Variants in IFI6 observed in about 807,000 individuals in gnomAD.
IFI6 encodes the protein interferon alpha inducible protein 6, also known as interferon alpha-inducible protein 6.
In IFI6, 10 loss-of-function variants were observed where a neutral mutation model predicts 12.7. That is an observed-to-expected ratio of 0.79 (90% CI 0.49 to 1.33). The LOEUF (loss-of-function observed/expected upper bound fraction) is 1.33. Ranked by LOEUF, IFI6 falls within the 40% of genes most tolerant of loss-of-function variation. The pLI, the probability that IFI6 is intolerant of heterozygous loss-of-function variation, is 0.00. For missense variants in IFI6, 154 were observed against 180.4 expected (o/e 0.85, Z 0.84); for synonymous variants, 89 against 86.2 (o/e 1.03, Z -0.18).
intron 4 of IFI6, among the ~76,000 whole-genome samples, chr1:27,666,821 T>G (rs2090355504): frequency 6.6e-6 from 1 of 152,134 alleles, no homozygotes. Context: ...ATGTGCCATG[T>G]GAGAGGACAA....
chr1:27,666,833 T>C (rs1412774294), intron 4 of IFI6, among the ~76,000 whole-genome samples: 1 of 152,084 alleles, frequency 6.6e-6, no homozygotes, highest in South Asian at 2.1e-4. Flanking sequence ...AGAGGACAAC[T>C]AGCTGATAGC....
intron 2 of IFI6, among the ~76,000 whole-genome samples, chr1:27,668,762 G>C (rs2090376144): frequency 1.3e-5 from 2 of 152,042 alleles, no homozygotes; most frequent in Non-Finnish European, 2.9e-5. Flanking sequence ...AGTGGGATTT[G>C]AATCTGGGAC....
intron 4 of IFI6, among the ~76,000 whole-genome samples, chr1:27,666,995 A>G (rs1229377717): frequency 7.7e-6 from 1 of 130,492 alleles, no homozygotes; most frequent in African/African-American, 2.9e-5. Flanking sequence ...AGAAAGGCAG[A>G]GAGGGAAGTT....
At chr1:27,667,451 C>T (rs1055313195) in intron 4 of IFI6, among the ~76,000 whole-genome samples, 3 of 151,980 alleles carry the variant, frequency 2.0e-5, no homozygotes, top group Non-Finnish European at 4.4e-5. Flanking sequence ...ATTGATCAAT[C>T]GATAGAAGAG....
chr1:27,671,352 C>T (rs2090402453), intron 1 of IFI6, among the ~76,000 whole-genome samples: 1 of 151,880 alleles, frequency 6.6e-6, no homozygotes. Flanking sequence ...GGGTTTAAAC[C>T]CACAATTGGC....
chr1:27,668,608 G>T, intron 2 of IFI6, 73 bp from the exon 3 acceptor site: 3 of 1,214,766 alleles, frequency 2.5e-6, no homozygotes, highest in Non-Finnish European at 3.5e-6. Context: ...TGTGTCTGAT[G>T]CTCAGGACCA....
In IFI6 at chr1:27,668,655, G is replaced by A. The variant is rs565476262; in HGVS notation, c.71-120C>T. 5.4e-6 allele frequency: 4 copies of A among 735,374 alleles called. No individual in the cohort carries two copies. The Admixed American group carries it at 1.1e-4, about 20-fold the overall frequency. The allele number at this position is 735,374 out of a possible 1,614,324, so 45.6% of individuals were successfully genotyped here. On this transcript the variant is annotated intron_variant, in intron 2 of 4. Coordinates refer to ENST00000361157, the MANE Select transcript of IFI6 (RefSeq NM_002038.4). ...GGGGGCCACCACTCTCCTACTCAGA[G>A]AGCCTCACAGAGGGGAAGGGACTTT...
chr1:27,668,006 G>T (rs927823800), intron 4 of IFI6, among the ~76,000 whole-genome samples: 2 of 152,260 alleles, frequency 1.3e-5, no homozygotes, highest in Non-Finnish European at 1.5e-5. Context: ...GGGAGGCAGA[G>T]GTTGCAGTGA....
At position 27,671,912 on chromosome 1, in the gene IFI6, T is replaced by G. The variant is rs146269021; in HGVS notation, c.-33+211A>C. On this transcript the variant is annotated intron_variant, in intron 1 of 4. Coordinates refer to ENST00000361157, the MANE Select transcript of IFI6 (RefSeq NM_002038.4). ...TATTGCACCTGTAAGCTGGGTCTCA[T>G]GCCACTTGGGGTTTTGCATCCCATC... Among the ~76,000 whole-genome samples the G allele has an allele frequency of 2.6e-4, 39 of 152,330 alleles. No homozygotes were observed. In the East Asian group the frequency reaches 3.7e-3, roughly 14 times the overall value.
In IFI6 at chr1:27,666,248, C is replaced by T; in HGVS notation, c.*133G>A. On this transcript the variant is annotated 3_prime_UTR_variant, in exon 5 of 5. Transcript: ENST00000361157. ...GTACTATGTTCGCATCTGTGAATAG[C>T]CACTGCACTCTAGCCTGGACAATAT... 1 of 556,940 alleles carries T rather than the reference C, an allele frequency of 1.8e-6. No homozygotes were observed. The highest frequency in any genetic ancestry group is 3.0e-6 in the Non-Finnish European group (1 of 332,964). The allele number at this position is 556,940 out of a possible 1,614,324, so 34.5% of individuals were successfully genotyped here.
chr1:27,669,877 G>A (rs745992133), intron 1 of IFI6: 1 of 152,954 alleles, frequency 6.5e-6, no homozygotes, highest in Non-Finnish European at 1.5e-5. Flanking sequence ...ACCAAACGTT[G>A]GCCTCACATC....
In IFI6 at chr1:27,669,418, C is replaced by T. The variant is rs2090387475; in HGVS notation, c.-32-72G>A. The stretch of plus-strand genomic sequence containing the variant: ...TCATCAGCTCCGTTGTTTTCCCTTC[C>T]AGTTCCAACTGAATCAGTAAAAAGC... On this transcript the variant is annotated intron_variant, in intron 1 of 4. Transcript: ENST00000361157. 7.8e-6 allele frequency: 7 copies of T among 895,818 alleles called. No individual in the cohort carries two copies. The South Asian group carries it at 1.0e-4, about 13-fold the overall frequency. The allele number at this position is 895,818 out of a possible 1,614,324, so 55.5% of individuals were successfully genotyped here.
chr1:27,669,323 C>G lies in IFI6; in HGVS notation c.-9G>C. On this transcript the variant is annotated 5_prime_UTR_variant, in exon 2 of 5. Transcript: ENST00000361157. The stretch of plus-strand genomic sequence containing the variant: ...ACCGCCTTCTGCCGCATGGTGGCGC[C>G]GCGCGCGGGCTCCGTCACTAGACCT... The G allele has an allele frequency of 1.3e-6, 2 of 1,552,534 alleles. No individual in the cohort carries two copies. The highest frequency in any genetic ancestry group is 1.7e-6 in the Non-Finnish European group (2 of 1,147,310).
chr1:27,666,623 T>C (rs2090353877), intron 4 of IFI6, 148 bp from the exon 5 acceptor site: 2 of 433,380 alleles, frequency 4.6e-6, no homozygotes, highest in Non-Finnish European at 3.8e-6. Context: ...ACAAAGTGAG[T>C]CCCATTGCCT....
chr1:27,668,193 A>G (rs1331668052), intron 4 of IFI6, 33 bp downstream of exon 4: 14 of 1,447,502 alleles, frequency 9.7e-6, no homozygotes, highest in Non-Finnish European at 1.1e-5. Flanking sequence ...ATAGTAAAGA[A>G]CGTCCCACCA....
intron 1 of IFI6, chr1:27,670,183 C>CA (rs2090393887): frequency 6.6e-6 from 1 of 152,166 alleles, no homozygotes; most frequent in South Asian, 2.1e-4. Context: ...CTGGGGTTCC[C>CA]ACAATTCCCT....
intron 1 of IFI6, chr1:27,670,415 T>C (rs928072621): frequency 1.3e-5 from 2 of 151,966 alleles, no homozygotes; most frequent in Non-Finnish European, 2.9e-5. Context: ...GCCTCCAGCA[T>C]AGCTGGGACT....
chr1:27,667,628 C>T (rs1027745944), intron 4 of IFI6, among the ~76,000 whole-genome samples: 13 of 152,200 alleles, frequency 8.5e-5, no homozygotes, highest in South Asian at 2.1e-4. Flanking sequence ...ATCATCCCCA[C>T]GCACCGCTGA....
intron 1 of IFI6, chr1:27,670,572 C>T (rs1042906587): frequency 1.3e-5 from 2 of 152,234 alleles, no homozygotes; most frequent in African/African-American, 4.8e-5. Flanking sequence ...CAGGCATCAG[C>T]CACCATACCC....
Sources: allele counts gnomAD v4.1 joint callset (sites outside exome capture counted in the v4.1 genomes callset), GRCh38; gene constraint gnomAD v4.1.1; transcripts MANE v1.5; gene names NCBI Gene and HGNC (gene_info 2026-07-23, HGNC 2026-07-21).